COLEC11: variants seen among roughly 807,000 people sequenced by gnomAD.
The protein encoded by COLEC11 is collectin-11.
In COLEC11, 20 loss-of-function variants were observed where a neutral mutation model predicts 27.3. The observed-to-expected ratio is 0.73, with a 90% CI of 0.51 to 1.06. The LOEUF is 1.06. Ranked by LOEUF, COLEC11 falls within the 50% of genes least tolerant of loss-of-function variation. The probability of loss-of-function intolerance (pLI) is 0.00; values close to 1 mark genes in which losing one functional copy is unlikely to be tolerated. For synonymous variants in COLEC11, 163 were observed against 154.7 expected, an observed-to-expected ratio of 1.05 and a Z score of -0.40; for missense variants, 310 against 383.0, an observed-to-expected ratio of 0.81 and a Z score of 1.59.
intron 1 of COLEC11, chr2:3,603,618 T>G (rs1662401495): frequency 1.3e-6 from 2 of 1,550,756 alleles, no homozygotes; most frequent in South Asian, 1.2e-5. Flanking sequence ...CGCCTGGTCT[T>G]GTTTTCCAAG....
intron 3 of COLEC11, among the ~76,000 whole-genome samples, chr2:3,629,508 A>G (rs1316105004): frequency 1.3e-5 from 2 of 152,204 alleles, no homozygotes; most frequent in African/African-American, 4.8e-5. Flanking sequence ...ACACGTGCAC[A>G]TAGATGTATG....
At chr2:3,616,566 G>T (rs142167173) in intron 3 of COLEC11, among the ~76,000 whole-genome samples, 1 of 152,228 alleles carries the variant, frequency 6.6e-6, no homozygotes, top group Non-Finnish European at 1.5e-5. Context: ...AGACCAGCCC[G>T]GCCAACACAG....
chr2:3,608,430 T>TA (rs567868865), intron 2 of COLEC11, among the ~76,000 whole-genome samples: 3 of 152,164 alleles, frequency 2.0e-5, no homozygotes, highest in Non-Finnish European at 4.4e-5. Flanking sequence ...CATGGAGTGT[T>TA]GAGTGGGGAC....
At chr2:3,603,839 G>A (rs1050833356) in intron 1 of COLEC11, 37 of 634,578 alleles carry the variant, frequency 5.8e-5, no homozygotes, top group Admixed American at 1.7e-4. Context: ...AGATGTGGGG[G>A]CGTGGATTCC....
chr2:3,621,549 A>G lies in COLEC11; in HGVS notation c.202+8167A>G, dbSNP rs182016815. On this transcript the variant is annotated intron_variant, in intron 3 of 6. Coordinates refer to ENST00000349077, the MANE Select transcript of COLEC11 (RefSeq NM_024027.5). ...CTATTTACATTTAAAGTAATTATTG[A>G]TAGTTAAGGATTTGCCATTGCCATT... Among the ~76,000 whole-genome samples, 254 of 152,226 alleles carry G rather than the reference A, an allele frequency of 1.7e-3. 1 individual carries two copies. Among genetic ancestry groups the G allele is most frequent in the African/African-American group, 5.9e-3 (245 of 41,552 alleles).
intron 4 of COLEC11, among the ~76,000 whole-genome samples, chr2:3,637,826 C>T (rs1333138693): frequency 6.6e-6 from 1 of 152,182 alleles, no homozygotes; most frequent in Non-Finnish European, 1.5e-5. Context: ...CCCCATTCTG[C>T]AGGATTTTCA....
chr2:3,620,521 GC>G (rs1664111498), intron 3 of COLEC11, among the ~76,000 whole-genome samples: 1 of 151,738 alleles, frequency 6.6e-6, no homozygotes, highest in South Asian at 2.1e-4. Context: ...CTTTGCTACA[GC>G]TTTTCTAGTC....
chr2:3,637,033 G>C (rs1046326070), intron 3 of COLEC11, among the ~76,000 whole-genome samples: 8 of 152,162 alleles, frequency 5.3e-5, no homozygotes, highest in African/African-American at 1.7e-4. Context: ...CTCCTCCCTG[G>C]CTCAAGTTCA....
chr2:3,637,512 T>G (rs1409146618), intron 3 of COLEC11, 21 bp from the exon 4 acceptor site: 1 of 1,611,500 alleles, frequency 6.2e-7, no homozygotes, highest in African/African-American at 1.3e-5. Context: ...CGACCAACTT[T>G]GCTCTTATTG....
At chr2:3,621,134 T>G (rs1664157416) in intron 3 of COLEC11, among the ~76,000 whole-genome samples, 1 of 152,256 alleles carries the variant, frequency 6.6e-6, no homozygotes, top group African/African-American at 2.4e-5. Context: ...TGAAGTCCCC[T>G]ACTATTAGTG....
intron 2 of COLEC11, chr2:3,605,076 G>A (rs1329880790): frequency 2.1e-6 from 1 of 470,950 alleles, no homozygotes; most frequent in African/African-American, 2.0e-5. Context: ...AGCCTCCAGA[G>A]CAGCATCTTC....
At chr2:3,603,726 C>A in intron 1 of COLEC11, 1 of 1,493,890 alleles carries the variant, frequency 6.7e-7, no homozygotes, top group Non-Finnish European at 9.1e-7. Context: ...CCTATGGGCT[C>A]GGCCCCCACC....
chr2:3,599,383 G>T (rs138470919), intron 1 of COLEC11, among the ~76,000 whole-genome samples: 1 of 152,318 alleles, frequency 6.6e-6, no homozygotes, highest in African/African-American at 2.4e-5. Context: ...CGGGAGAATT[G>T]ACTGACGCAG....
intron 3 of COLEC11, among the ~76,000 whole-genome samples, chr2:3,614,540 T>C (rs1663507894): frequency 6.6e-6 from 1 of 152,198 alleles, no homozygotes; most frequent in African/African-American, 2.4e-5. Context: ...ACATTCTTTT[T>C]TTTTCTTTTT....
At chr2:3,600,492 CT>C (rs1662139458) in intron 1 of COLEC11, among the ~76,000 whole-genome samples, 1 of 152,184 alleles carries the variant, frequency 6.6e-6, no homozygotes, top group Admixed American at 6.5e-5. Context: ...GAAATTGAGG[CT>C]GCAGTGAGCC....
rs768744412 is a variant in COLEC11 at position 3,604,300 on chromosome 2, C to T, written c.-26-15C>T. 4.3e-6 allele frequency: 7 copies of T among 1,613,962 alleles called. No homozygotes were observed. The South Asian group carries it at 4.4e-5, about 10-fold the overall frequency. On this transcript the variant is annotated splice_polypyrimidine_tract_variant and intron_variant, in intron 1 of 6. Transcript: ENST00000349077. Reference sequence around the variant, plus strand: ...GTTGCAGTTCCCATCACTGTTTATTCCTTCCTCTGTGTAGGAGTTGGTGTC... The same window carrying T: ...GTTGCAGTTCCCATCACTGTTTATTTCTTCCTCTGTGTAGGAGTTGGTGTC...
Position 3,635,190 on chromosome 2 carries a change from C to G in COLEC11, c.203-2343C>G, listed in dbSNP as rs1056053326. 6.9e-5 allele frequency among the ~76,000 whole-genome samples: 10 copies of G among 144,862 alleles called. No homozygotes were observed. The East Asian group carries it at 2.0e-3, about 28-fold the overall frequency. The stretch of plus-strand genomic sequence containing the variant: ...GCCTCTCCAGAGCTGTGTCTCCCTG[C>G]GCCTACCTTGGGGAGGCTTGGCACT... On this transcript the variant is annotated intron_variant, in intron 3 of 6. Transcript: ENST00000349077.
At chr2:3,627,584 A>G (rs1664654452) in intron 3 of COLEC11, among the ~76,000 whole-genome samples, 1 of 143,050 alleles carries the variant, frequency 7.0e-6, no homozygotes, top group African/African-American at 2.7e-5. Context: ...TCTGGGCATG[A>G]TGGCTCTGGG....
chr2:3,615,842 CCGGG>C (rs1663654740), intron 3 of COLEC11, among the ~76,000 whole-genome samples: 3 of 20,652 alleles, frequency 1.5e-4, no homozygotes, highest in Non-Finnish European at 3.7e-4. Context: ...CGGCGGCTGG[CCGGG>C]CAGGGGCTGC....
Sources: gnomAD v4.1 joint callset for allele counts (sites outside exome capture counted in the v4.1 genomes callset) on GRCh38, gnomAD v4.1.1 for gene constraint, MANE v1.5 for transcripts, NCBI Gene and HGNC (gene_info 2026-07-23, HGNC 2026-07-21) for gene names.